The following PGM5 variants were observed in gnomAD, a reference collection of about 807,000 sequenced individuals.
The protein encoded by PGM5 is phosphoglucomutase-like protein 5.
Under a neutral mutation model 59.2 loss-of-function variants are expected in PGM5, and 23 were observed. That is an observed-to-expected ratio of 0.39 (90% CI 0.28 to 0.55). PGM5 has a LOEUF of 0.55. Ranked by LOEUF, PGM5 falls within the 20% of genes least tolerant of loss-of-function variation. PGM5 has a pLI of 0.66. For missense variants in PGM5, 574 were observed against 748.3 expected (o/e 0.77, Z 2.72); for synonymous variants, 214 against 286.0 (o/e 0.75, Z 2.54).
At chr9:68,363,416 C>T (rs146505298) in intron 1 of PGM5, among the ~76,000 whole-genome samples, 509 of 152,396 alleles carry the variant, frequency 3.3e-3, no homozygotes, top group African/African-American at 0.012. Flanking sequence ...AGCTACCATA[C>T]TGGACAGCAA....
rs139740696 is a variant in PGM5, at chr9:68,416,277, A to T, written c.1043+23804A>T. On this transcript the variant is annotated intron_variant, in intron 6 of 10. Transcript: ENST00000396396. ...AGAAGTGATGGATGGCTCTGTTGGG[A>T]TTCCGGCAGTAGTGCATGATGATGT... 5.5e-4 allele frequency among the ~76,000 whole-genome samples: 84 copies of T among 152,270 alleles called. No individual in the cohort carries two copies. The East Asian group carries it at 9.1e-3, about 16-fold the overall frequency.
At chr9:68,450,270 C>CA in intron 6 of PGM5, among the ~76,000 whole-genome samples, 1 of 148,396 alleles carries the variant, frequency 6.7e-6, no homozygotes, top group Non-Finnish European at 1.5e-5. Flanking sequence ...AAAACAAAAA[C>CA]AAAACAAACA....
chr9:68,357,912 AACACACACACACACACACACAC>A (rs71500321), intron 1 of PGM5: 110 of 163,040 alleles, frequency 6.7e-4, no homozygotes, highest in African/African-American at 2.7e-3. Context: ...GGTGTCTCAG[AACACACACACACACACACACAC>A]ACACACACAC....
chr9:68,446,804 T>TCA (rs1554684026), intron 6 of PGM5, among the ~76,000 whole-genome samples: 1 of 152,246 alleles, frequency 6.6e-6, no homozygotes, highest in Non-Finnish European at 1.5e-5. Context: ...GTGTGTTCTG[T>TCA]TCCACTTGGT....
Position 68,479,720 on chromosome 9 carries a change from G to A in PGM5, c.1295+167G>A, listed in dbSNP as rs372585356. Among the ~76,000 whole-genome samples, 4 of 152,272 alleles carry A rather than the reference G, an allele frequency of 2.6e-5. No homozygotes were observed. The East Asian group carries it at 7.7e-4, about 29-fold the overall frequency. ...GAGGCCGAGGTGGGCGGATCACGAG[G>A]TCAGGAGATCGAGACCATCCCGGCT... is the stretch of plus-strand genomic sequence containing the variant. On this transcript the variant is annotated intron_variant, in intron 8 of 10. Coordinates refer to ENST00000396396, the MANE Select transcript of PGM5 (RefSeq NM_021965.4).
chr9:68,473,538 G>A (rs895175996), intron 7 of PGM5, among the ~76,000 whole-genome samples: 1 of 152,120 alleles, frequency 6.6e-6, no homozygotes, highest in Non-Finnish European at 1.5e-5. Flanking sequence ...TTGTAAAAGG[G>A]GGCTATCAAA....
At chr9:68,436,295 C>A (rs1174697524) in intron 6 of PGM5, among the ~76,000 whole-genome samples, 2 of 152,110 alleles carry the variant, frequency 1.3e-5, no homozygotes, top group Admixed American at 6.5e-5. Context: ...TTTTAATAAT[C>A]CTGAACCTAG....
chr9:68,428,890 A>G (rs188113636), intron 6 of PGM5: 384 of 152,348 alleles, frequency 2.5e-3, no homozygotes, highest in African/African-American at 8.9e-3. Flanking sequence ...GCAAAAAGTT[A>G]CTGCCACATA....
intron 6 of PGM5, among the ~76,000 whole-genome samples, chr9:68,431,304 C>T (rs991404748): frequency 1.3e-5 from 2 of 152,192 alleles, no homozygotes; most frequent in Non-Finnish European, 2.9e-5. Context: ...AGTCCTACCT[C>T]TTTCTTCGCA....
chr9:68,432,718 G>C (rs1477966049), intron 6 of PGM5, among the ~76,000 whole-genome samples: 2 of 151,902 alleles, frequency 1.3e-5, no homozygotes, highest in African/African-American at 4.8e-5. Context: ...CCATTCTCCT[G>C]TCTCATCTTC....
At chr9:68,414,224 G>A (rs538858047) in intron 6 of PGM5, among the ~76,000 whole-genome samples, 8 of 152,100 alleles carry the variant, frequency 5.3e-5, no homozygotes, top group Admixed American at 2.0e-4. Flanking sequence ...CGTATAGCCC[G>A]CAGAACCATG....
intron 1 of PGM5, among the ~76,000 whole-genome samples, chr9:68,360,228 T>C (rs540106189): frequency 6.6e-6 from 1 of 152,188 alleles, no homozygotes; most frequent in South Asian, 2.1e-4. Context: ...TGAACTATAT[T>C]ACTTATATTT....
chr9:68,502,462 T>G (rs1554688730), intron 10 of PGM5, among the ~76,000 whole-genome samples: 2 of 152,002 alleles, frequency 1.3e-5, no homozygotes, highest in Non-Finnish European at 1.5e-5. Flanking sequence ...AGCCTGTGGG[T>G]GGAGTAGTTA....
At chr9:68,488,187 G>A (rs192318909) in intron 9 of PGM5, among the ~76,000 whole-genome samples, 2 of 152,186 alleles carry the variant, frequency 1.3e-5, no homozygotes, top group Admixed American at 1.3e-4. Flanking sequence ...ATTTGAGAAG[G>A]CCCCTTCAGT....
chr9:68,406,707 T>TAC (rs1822824526), intron 6 of PGM5, among the ~76,000 whole-genome samples: 1 of 90,106 alleles, frequency 1.1e-5, no homozygotes, highest in African/African-American at 4.6e-5. Flanking sequence ...TATATATATA[T>TAC]ATATATATAT....
chr9:68,496,092 A>G (rs1300942358), intron 9 of PGM5, among the ~76,000 whole-genome samples: 2 of 151,402 alleles, frequency 1.3e-5, no homozygotes, highest in Non-Finnish European at 2.9e-5. Flanking sequence ...CCTACAGGCT[A>G]CATAGTGCCA....
At chr9:68,448,749 G>A (rs1823651957) in intron 6 of PGM5, among the ~76,000 whole-genome samples, 1 of 152,206 alleles carries the variant, frequency 6.6e-6, no homozygotes, top group African/African-American at 2.4e-5. Flanking sequence ...TTGATATTCA[G>A]AGAAAGACAC....
At chr9:68,454,333 C>T (rs1320205732) in intron 6 of PGM5, among the ~76,000 whole-genome samples, 2 of 152,184 alleles carry the variant, frequency 1.3e-5, no homozygotes, top group African/African-American at 2.4e-5. Context: ...CCTGTGTAAA[C>T]AGTTCCTGTA....
At chr9:68,521,054 A>T (rs1824893815) in intron 10 of PGM5, among the ~76,000 whole-genome samples, 1 of 152,234 alleles carries the variant, frequency 6.6e-6, no homozygotes, top group Non-Finnish European at 1.5e-5. Context: ...GGCAGTCTAG[A>T]TAGTGAGATA....
Sources: gnomAD v4.1 joint callset for allele counts (sites outside exome capture counted in the v4.1 genomes callset) on GRCh38, gnomAD v4.1.1 for gene constraint, MANE v1.5 for transcripts, NCBI Gene and HGNC (gene_info 2026-07-23, HGNC 2026-07-21) for gene names.